The following RSRC2 variants were observed in gnomAD, a reference collection of about 807,000 sequenced individuals.
RSRC2 encodes arginine/serine-rich coiled-coil protein 2.
In RSRC2, 5 loss-of-function variants were observed where a neutral mutation model predicts 61.3. The observed-to-expected ratio is 0.08, with a 90% CI of 0.04 to 0.17. The LOEUF (loss-of-function observed/expected upper bound fraction) is 0.17. Among genes scored for constraint, RSRC2 ranks in the 10% least tolerant of loss-of-function variants. The pLI is 1.00. For synonymous variants in RSRC2, 202 were observed against 166.5 expected (o/e 1.21, Z -1.64); for missense variants, 381 against 518.8 (o/e 0.73, Z 2.58).
At chr12:122,520,321 G>T in intron 3 of RSRC2, 1 of 339,030 alleles carries the variant, frequency 2.9e-6, no homozygotes, top group Non-Finnish European at 5.7e-6. Context: ...AATTTTCCTT[G>T]GTTTTGCTAT....
At chr12:122,508,498 A>G (rs767210238) in intron 7 of RSRC2, 51 bp from the exon 8 acceptor site, 4 of 1,381,678 alleles carry the variant, frequency 2.9e-6, no homozygotes, top group East Asian at 4.8e-5. Context: ...TAAAACATAA[A>G]CCTCCTGATT....
At chr12:122,522,973 A>G (rs1423443463) in intron 1 of RSRC2, 2 of 152,204 alleles carry the variant, frequency 1.3e-5, no homozygotes, top group East Asian at 3.8e-4. Flanking sequence ...TATAAATTTT[A>G]CAAGTTTCAA....
intron 6 of RSRC2, 174 bp downstream of exon 6, chr12:122,514,931 G>T (rs1365613676): frequency 1.3e-6 from 1 of 746,986 alleles, no homozygotes; most frequent in Non-Finnish European, 2.1e-6. Flanking sequence ...TCTTATAGTT[G>T]TGCAAATGTT....
chr12:122,511,909 C>T (rs1475950568), intron 6 of RSRC2, among the ~76,000 whole-genome samples: 2 of 152,270 alleles, frequency 1.3e-5, no homozygotes, highest in East Asian at 1.9e-4. Flanking sequence ...TGGGTTCAAG[C>T]GATTCTCCTG....
intron 6 of RSRC2, among the ~76,000 whole-genome samples, chr12:122,514,103 A>G (rs908120111): frequency 1.3e-5 from 2 of 152,168 alleles, no homozygotes; most frequent in African/African-American, 4.8e-5. Context: ...AAAATATGGG[A>G]AATACTGCAA....
chr12:122,507,660 T>C (rs1052794417), intron 8 of RSRC2, among the ~76,000 whole-genome samples: 5 of 152,216 alleles, frequency 3.3e-5, no homozygotes, highest in Non-Finnish European at 5.9e-5. Context: ...AAGACTATCA[T>C]AGCTTATTAT....
At chr12:122,508,107 C>T in intron 8 of RSRC2, 111 bp downstream of exon 8, 1 of 989,924 alleles carries the variant, frequency 1.0e-6, no homozygotes, top group Non-Finnish European at 1.6e-6. Context: ...TCTGGCCACC[C>T]CAGGTTCTTA....
At chr12:122,506,154 G>A (rs1396342331) in intron 9 of RSRC2, among the ~76,000 whole-genome samples, 1 of 152,144 alleles carries the variant, frequency 6.6e-6, no homozygotes, top group Non-Finnish European at 1.5e-5. Context: ...GGGAGGCTGA[G>A]ACGGGTGGAT....
At chr12:122,519,910 A>G (rs758779607) in intron 3 of RSRC2, 1 of 152,688 alleles carries the variant, frequency 6.5e-6, no homozygotes, top group African/African-American at 2.4e-5. Context: ...TCTTGTAGTG[A>G]AAGTTTAAAA....
rs976826205 is a variant in RSRC2, at chr12:122,517,374, C to T, written c.455G>A (p.Arg152Gln). 1 of 1,614,108 alleles carries T rather than the reference C, an allele frequency of 6.2e-7. No individual in the cohort carries two copies. The highest frequency in any genetic ancestry group is 8.5e-7 in the Non-Finnish European group (1 of 1,180,016). ...TCTGCTTCTGGATCTCGATTTCTTC[C>T]GCTCCCTACTCCTGGATCGAGACTT... Reference protein sequence around the residue: ...RKKSRSRSRERKKSRSRSRER... With the variant: ...RKKSRSRSREQKKSRSRSRER... The change falls in exon 5 of 10, where the codon CGG (arginine) becomes CAG (glutamine). Residue 152 changes from arginine (R) to glutamine (Q), a missense_variant. Coordinates refer to ENST00000331738, the MANE Select transcript of RSRC2 (RefSeq NM_023012.6).
intron 3 of RSRC2, chr12:122,519,343 A>G (rs900432679): frequency 3.5e-6 from 1 of 286,392 alleles, no homozygotes; most frequent in Non-Finnish European, 6.7e-6. Flanking sequence ...CTAAAAGAAT[A>G]CAGACCATGT....
intron 6 of RSRC2, among the ~76,000 whole-genome samples, chr12:122,512,885 G>C (rs1247315515): frequency 6.6e-6 from 1 of 152,096 alleles, no homozygotes; most frequent in Non-Finnish European, 1.5e-5. Context: ...TTGTAAATTA[G>C]CAGTAACAAT....
chr12:122,509,833 TGTTTTTG>T (rs1345113452), intron 7 of RSRC2, among the ~76,000 whole-genome samples: 2 of 152,164 alleles, frequency 1.3e-5, no homozygotes, highest in African/African-American at 4.8e-5. Context: ...TTTTGTTTTT[TGTTTTTG>T]TTTTTTTCTT....
At chr12:122,518,149 G>A (rs1274561513) in intron 4 of RSRC2, among the ~76,000 whole-genome samples, 1 of 152,024 alleles carries the variant, frequency 6.6e-6, no homozygotes, top group African/African-American at 2.4e-5. Flanking sequence ...AATACTAAGA[G>A]ATTAGCTGGG....
In RSRC2 at chr12:122,517,388, G is replaced by A. The variant is rs956511067; in HGVS notation, c.441C>T (p.Ser147=). 2.5e-6 allele frequency: 4 copies of A among 1,613,936 alleles called. No homozygotes were observed. In the East Asian group the frequency reaches 8.9e-5, roughly 36 times the overall value. Residue 147 remains serine (S), a synonymous_variant, in exon 5 of 10, where the codon TCC becomes TCT. Coordinates refer to ENST00000331738, the MANE Select transcript of RSRC2 (RefSeq NM_023012.6). ...SRSRERKKSR[S]RSRERKKSRS... ...TCGATTTCTTCCGCTCCCTACTCCT[G>A]GATCGAGACTTCTTCCGCTCCCTGC... is the stretch of plus-strand genomic sequence containing the variant.
At chr12:122,508,545 G>A in intron 7 of RSRC2, 98 bp from the exon 8 acceptor site, 4 of 947,758 alleles carry the variant, frequency 4.2e-6, no homozygotes, top group Non-Finnish European at 4.7e-6. Context: ...CTATGAATGT[G>A]CAAAAAGGCA....
intron 9 of RSRC2, 98 bp downstream of exon 9, chr12:122,506,736 G>C (rs529451116): frequency 1.3e-6 from 1 of 741,380 alleles, no homozygotes; most frequent in East Asian, 2.5e-5. Context: ...CAAAAACGCT[G>C]ACACCTGAGT....
At chr12:122,525,217 TATA>T (rs1959924708) in intron 1 of RSRC2, among the ~76,000 whole-genome samples, 1 of 151,692 alleles carries the variant, frequency 6.6e-6, no homozygotes, top group South Asian at 2.1e-4. Context: ...CTACCAAAAA[TATA>T]AAAAAATTAG....
intron 6 of RSRC2, chr12:122,513,693 G>T: frequency 1.9e-6 from 1 of 523,870 alleles, no homozygotes; most frequent in Non-Finnish European, 2.5e-6. Context: ...ACAACTGGTT[G>T]CATTAAAATG....
Sources: gnomAD v4.1 joint callset for allele counts (sites outside exome capture counted in the v4.1 genomes callset) on GRCh38, gnomAD v4.1.1 for gene constraint, MANE v1.5 for transcripts, NCBI Gene and HGNC (gene_info 2026-07-23, HGNC 2026-07-21) for gene names.